The following CSF1 variants were observed in gnomAD, a reference collection of about 807,000 sequenced individuals.
The protein encoded by CSF1 is macrophage colony-stimulating factor 1.
CSF1 carries 9 observed loss-of-function variants against 48.9 expected under a neutral mutation model. The observed-to-expected ratio is 0.18, with a 90% CI of 0.11 to 0.32. CSF1 has a LOEUF of 0.32. Among genes scored for constraint, CSF1 ranks in the 10% least tolerant of loss-of-function variants. The pLI, the probability that CSF1 is intolerant of heterozygous loss-of-function variation, is 1.00. For missense variants in CSF1, 672 were observed against 697.9 expected, an observed-to-expected ratio of 0.96 and a Z score of 0.42; for synonymous variants, 305 against 284.1, an observed-to-expected ratio of 1.07 and a Z score of -0.74.
intron 8 of CSF1, among the ~76,000 whole-genome samples, chr1:109,927,140 G>A (rs1389336596): frequency 6.6e-6 from 1 of 150,770 alleles, no homozygotes; most frequent in Non-Finnish European, 1.5e-5. Flanking sequence ...CTGACTAGCT[G>A]ATTGCCTGAC....
At chr1:109,927,518 C>T (rs139677014) in intron 8 of CSF1, among the ~76,000 whole-genome samples, 32 of 152,222 alleles carry the variant, frequency 2.1e-4, no homozygotes, top group Non-Finnish European at 3.4e-4. Flanking sequence ...AACCCCTCGC[C>T]GTGGTCTTGG....
intron 1 of CSF1, among the ~76,000 whole-genome samples, chr1:109,911,345 A>G (rs1469866379): frequency 6.6e-6 from 1 of 152,170 alleles, no homozygotes; most frequent in Non-Finnish European, 1.5e-5. Context: ...ACCTGCAGGC[A>G]GGAGCCCCCG....
In CSF1 at chr1:109,915,627, C is replaced by G; in HGVS notation, c.163-7C>G. 1 of 1,613,444 alleles carries G rather than the reference C, an allele frequency of 6.2e-7. No homozygotes were observed. The highest frequency in any genetic ancestry group is 8.5e-7 in the Non-Finnish European group (1 of 1,179,368). ...CCCTGCAATCGTTGGCCTGCTCTCT[C>G]TTACAGATTGACAGTCAGATGGAGA... On this transcript the variant is annotated splice_region_variant and splice_polypyrimidine_tract_variant and intron_variant, in intron 2 of 8. Transcript: ENST00000329608.
In CSF1 at chr1:109,921,780, G is replaced by A. The variant is rs898038560; in HGVS notation, c.397-67G>A. The A allele has an allele frequency of 1.9e-5, 28 of 1,465,262 alleles. No individual in the cohort carries two copies. The African/African-American group carries it at 3.1e-4, about 16-fold the overall frequency. 90.8% of individuals were successfully genotyped at this position (1,465,262 alleles called of 1,614,324 possible). On this transcript the variant is annotated intron_variant, in intron 4 of 8. Transcript: ENST00000329608. ...GATGTGAGAAAGGCCAAGGGAATTT[G>A]ACAAATAAGATGGAGACATGGGGCC...
chr1:109,920,318 A>G (rs1389903481), intron 4 of CSF1, among the ~76,000 whole-genome samples: 1 of 151,132 alleles, frequency 6.6e-6, no homozygotes, highest in Non-Finnish European at 1.5e-5. Context: ...CCCAGGCTGG[A>G]GTGCAGTAGT....
At chr1:109,916,841 C>G (rs1647242424) in intron 3 of CSF1, among the ~76,000 whole-genome samples, 1 of 152,148 alleles carries the variant, frequency 6.6e-6, no homozygotes, top group Admixed American at 6.5e-5. Flanking sequence ...ACTACCATCT[C>G]TTTAGGGAGA....
chr1:109,923,112 G>T, intron 5 of CSF1, 54 bp from the exon 6 acceptor site: 3 of 1,475,768 alleles, frequency 2.0e-6, no homozygotes, highest in Non-Finnish European at 2.7e-6. Flanking sequence ...CTGGAGGCTA[G>T]TGACTCTATC....
At chr1:109,914,056 G>C (rs932287168) in intron 1 of CSF1, among the ~76,000 whole-genome samples, 3 of 152,226 alleles carry the variant, frequency 2.0e-5, no homozygotes, top group African/African-American at 7.2e-5. Flanking sequence ...TGACATCTGG[G>C]TTGTTTTCAT....
intron 4 of CSF1, among the ~76,000 whole-genome samples, chr1:109,918,836 A>C (rs1377741770): frequency 6.6e-6 from 1 of 151,970 alleles, no homozygotes; most frequent in African/African-American, 2.4e-5. Context: ...TCTATGAGGC[A>C]TGGGGGTTCG....
chr1:109,913,846 T>G (rs2101640107), intron 1 of CSF1, among the ~76,000 whole-genome samples: 1 of 152,348 alleles, frequency 6.6e-6, no homozygotes, highest in Non-Finnish European at 1.5e-5. Flanking sequence ...TGCATGAACA[T>G]GAACTTGAGG....
Position 109,915,640 on chromosome 1 carries a change from A to G in CSF1, c.169A>G (p.Ser57Gly), listed in dbSNP as rs1310639118. ...GGCCTGCTCTCTCTTACAGATTGAC[A>G]GTCAGATGGAGACCTCGTGCCAAAT... is the stretch of plus-strand genomic sequence containing the variant. ...HLQSLQRLID[S>G]QMETSCQITF... Residue 57 changes from serine to glycine, a missense_variant, in exon 3 of 9, where the codon AGT (serine) becomes GGT (glycine). Physicochemically the swap from Ser to Gly is moderately conservative, Grantham distance 56 (BLOSUM62 0). Coordinates refer to ENST00000329608, the MANE Select transcript of CSF1 (RefSeq NM_000757.6). 1.2e-6 allele frequency: 2 copies of G among 1,613,782 alleles called. No homozygotes were observed. The highest frequency in any genetic ancestry group is 8.5e-7 in the Non-Finnish European group (1 of 1,179,648).
chr1:109,915,205 A>C (rs111471361), intron 2 of CSF1, among the ~76,000 whole-genome samples: 4 of 152,262 alleles, frequency 2.6e-5, no homozygotes, highest in African/African-American at 9.6e-5. Flanking sequence ...TAAAATCCAG[A>C]ACTGCTGCTC....
rs776179599 is a variant in CSF1 at position 109,923,220 on chromosome 1, G to C, written c.599G>C (p.Ser200Thr). 1.9e-6 allele frequency: 3 copies of C among 1,555,854 alleles called. No homozygotes were observed. The change falls in exon 6 of 9, where the codon AGT becomes ACT. Residue 200 changes from serine to threonine, a missense_variant. Coordinates refer to ENST00000329608, the MANE Select transcript of CSF1 (RefSeq NM_000757.6). ...NCLYPKAIPSSDPASVSPHQP... is the reference protein window; with the variant it reads ...NCLYPKAIPSTDPASVSPHQP... ...CTGTACCCCAAAGCCATCCCTAGCA[G>C]TGACCCGGCCTCTGTCTCCCCTCAT... is the stretch of plus-strand genomic sequence containing the variant.
chr1:109,928,204 T>C (rs1647922869), intron 8 of CSF1, among the ~76,000 whole-genome samples: 1 of 152,308 alleles, frequency 6.6e-6, no homozygotes, highest in East Asian at 1.9e-4. Flanking sequence ...GACAAGGCCC[T>C]GACTCCCATG....
intron 4 of CSF1, among the ~76,000 whole-genome samples, chr1:109,919,927 A>AAAATAAATAAATAAAT (rs35887432): frequency 2.1e-5 from 3 of 146,286 alleles, no homozygotes; most frequent in Non-Finnish European, 4.5e-5. Context: ...ACTCCATCTC[A>AAAATAAATAAATAAAT]AAATAAATAA....
At chr1:109,923,117 T>C in intron 5 of CSF1, 49 bp from the exon 6 acceptor site, 1 of 1,487,290 alleles carries the variant, frequency 6.7e-7, no homozygotes, top group Non-Finnish European at 9.0e-7. Context: ...GGCTAGTGAC[T>C]CTATCTCCTC....
intron 5 of CSF1, chr1:109,922,553 C>T (rs114816442): frequency 0.019 from 2,857 of 154,228 alleles, 56 homozygotes; most frequent in Non-Finnish European, 0.025. Context: ...GTGTACACTG[C>T]GTGTCCTCGT....
At chr1:109,922,050 T>C (rs1291308643) in intron 5 of CSF1, 56 bp downstream of exon 5, 6 of 1,522,014 alleles carry the variant, frequency 3.9e-6, no homozygotes, top group Non-Finnish European at 4.4e-6. Context: ...GGAATGGGGA[T>C]TGGGAGGTGA....
Position 109,921,994 on chromosome 1 carries a change from G to C in CSF1, c.544G>C (p.Asp182His). 6.3e-7 allele frequency: 1 copy of C among 1,593,496 alleles called. No homozygotes were observed. The highest frequency in any genetic ancestry group is 1.3e-5 in the African/African-American group (1 of 74,608). The stretch of plus-strand genomic sequence containing the variant: ...CAGCTTTGCTGAATGCTCCAGCCAA[G>C]GTAAGCATGGCAGGGGCCAGCAAGT... ...NNSFAECSSQDVVTKPDCNCL... is the reference protein window; with the variant it reads ...NNSFAECSSQHVVTKPDCNCL... The change falls in exon 5 of 9, where the codon GAT becomes CAT. Residue 182 changes from aspartate to histidine, a missense_variant and splice_region_variant. By Grantham distance (81) the Asp-to-His change is moderately conservative. Around this residue, in one of 3 missense-constraint regions of CSF1, gnomAD observed 591 missense variants for 593.6 expected, o/e 1.00. Transcript: ENST00000329608.
Sources: gnomAD v4.1 joint callset for allele counts (sites outside exome capture counted in the v4.1 genomes callset) on GRCh38, gnomAD v4.1.1 for gene constraint, gnomAD v4.1.1 regional missense constraint, MANE v1.5 for transcripts, NCBI Gene and HGNC (gene_info 2026-07-23, HGNC 2026-07-21) for gene names.